PRICKLE1: variants seen among roughly 807,000 people sequenced by gnomAD.
PRICKLE1 encodes the protein prickle planar cell polarity protein 1.
Under a neutral mutation model 70.2 loss-of-function variants are expected in PRICKLE1, and 14 were observed. The ratio of observed to expected loss-of-function variants is 0.20; its 90% confidence interval spans 0.13 to 0.31. PRICKLE1 has a LOEUF of 0.31. PRICKLE1 is among the 10% of genes least tolerant of loss of function. PRICKLE1 has a pLI of 1.00. For synonymous variants in PRICKLE1, 357 were observed against 379.9 expected (o/e 0.94, Z 0.70); for missense variants, 821 against 1,026.2 (o/e 0.80, Z 2.73).
At chr12:42,576,350 A>G (rs144485485) in intron 1 of PRICKLE1, among the ~76,000 whole-genome samples, 1 of 152,222 alleles carries the variant, frequency 6.6e-6, no homozygotes, top group Admixed American at 6.5e-5. Context: ...AACAGAAAAC[A>G]CTGTGAACTG....
At chr12:42,519,216 G>C (rs1175049458) in intron 1 of PRICKLE1, among the ~76,000 whole-genome samples, 1 of 35,072 alleles carries the variant, frequency 2.9e-5, no homozygotes, top group Admixed American at 4.1e-4. Context: ...TTTTTTTTGA[G>C]ATGGTGTGTT....
chr12:42,579,681 G>A (rs563204094), intron 1 of PRICKLE1, among the ~76,000 whole-genome samples: 1 of 152,276 alleles, frequency 6.6e-6, no homozygotes, highest in Admixed American at 6.5e-5. Context: ...CACTGGCCAC[G>A]TGTAAAAGTT....
chr12:42,502,962 C>G (rs757386355), intron 1 of PRICKLE1, among the ~76,000 whole-genome samples: 5 of 152,170 alleles, frequency 3.3e-5, no homozygotes, highest in Non-Finnish European at 7.3e-5. Context: ...GGTTTCTTAA[C>G]CCTGGTCTTG....
In PRICKLE1 at chr12:42,583,020, C is replaced by T. The variant is rs577918845; in HGVS notation, c.-49+6445G>A. Among the ~76,000 whole-genome samples the T allele has an allele frequency of 6.0e-5, 9 of 151,020 alleles. No homozygotes were observed. The South Asian group carries it at 1.9e-3, about 32-fold the overall frequency. Reference sequence around the variant, plus strand: ...AGTTGGAAGTATCAATTGTAGTTAACAAGTTATGTGTTTCTTCCGAAAATT... The same window carrying T: ...AGTTGGAAGTATCAATTGTAGTTAATAAGTTATGTGTTTCTTCCGAAAATT... On this transcript the variant is annotated intron_variant, in intron 1 of 7. Coordinates refer to ENST00000345127, the MANE Select transcript of PRICKLE1 (RefSeq NM_153026.3).
intron 1 of PRICKLE1, among the ~76,000 whole-genome samples, chr12:42,549,309 A>G (rs1235232133): frequency 6.6e-6 from 1 of 152,166 alleles, no homozygotes; most frequent in Non-Finnish European, 1.5e-5. Context: ...CAAACTGGCC[A>G]TAGCTGAATC....
chr12:42,534,284 A>G (rs1380679214), intron 1 of PRICKLE1, among the ~76,000 whole-genome samples: 1 of 152,088 alleles, frequency 6.6e-6, no homozygotes, highest in African/African-American at 2.4e-5. Context: ...CGCCAGGAAG[A>G]ATGGGAATAA....
chr12:42,522,101 G>A (rs144305589), intron 1 of PRICKLE1, among the ~76,000 whole-genome samples: 11,210 of 151,682 alleles, frequency 0.074, 569 homozygotes, highest in Admixed American at 0.17. Flanking sequence ...TCAACCTCCC[G>A]AGTAGCTGGG....
At chr12:42,512,444 G>T (rs1232168285) in intron 1 of PRICKLE1, among the ~76,000 whole-genome samples, 2 of 152,174 alleles carry the variant, frequency 1.3e-5, no homozygotes, top group African/African-American at 4.8e-5. Flanking sequence ...CCAAAGTGCG[G>T]GGATTACAGG....
Position 42,561,814 on chromosome 12 carries a change from G to A in PRICKLE1, c.-49+27651C>T, listed in dbSNP as rs1419030366. On this transcript the variant is annotated intron_variant, in intron 1 of 7. Transcript: ENST00000345127. ...CATATTCCCAATTAAAAATCACACT[G>A]ACAATTTGCCAGTCATTGAGCTCCC... 2.0e-5 allele frequency among the ~76,000 whole-genome samples: 3 copies of A among 151,410 alleles called. No homozygotes were observed. In the East Asian group the frequency reaches 5.8e-4, roughly 29 times the overall value.
At chr12:42,468,105 C>T (rs1237604950) in intron 5 of PRICKLE1, among the ~76,000 whole-genome samples, 1 of 152,084 alleles carries the variant, frequency 6.6e-6, no homozygotes, top group East Asian at 1.9e-4. Context: ...AGCTTTGCAA[C>T]TCTTCTGTAA....
chr12:42,477,466 G>A lies in PRICKLE1; in HGVS notation c.-48-4902C>T, dbSNP rs61924375. 9.0e-4 allele frequency among the ~76,000 whole-genome samples: 16 copies of A among 17,846 alleles called. No homozygotes were observed. In the East Asian group the frequency reaches 0.011, roughly 12 times the overall value. 11.7% of individuals were successfully genotyped at this position (17,846 alleles called of 152,430 possible). A position where few individuals can be genotyped will look rare whatever the true frequency, so the allele number is the denominator to read the frequency against. On this transcript the variant is annotated intron_variant, in intron 1 of 7. Coordinates refer to ENST00000345127, the MANE Select transcript of PRICKLE1 (RefSeq NM_153026.3). ...TGTATATATGTATATACGTATATAT[G>A]TGTGTGTGTGTGTGTGTATATATAT...
intron 1 of PRICKLE1, chr12:42,489,833 C>T (rs1257805864): frequency 1.3e-5 from 2 of 152,020 alleles, no homozygotes; most frequent in South Asian, 2.1e-4. Flanking sequence ...GTCACCAGTC[C>T]CACATTTCCA....
intron 6 of PRICKLE1, 85 bp from the exon 7 acceptor site, chr12:42,465,343 A>C: frequency 7.4e-7 from 1 of 1,348,080 alleles, no homozygotes; most frequent in Non-Finnish European, 1.1e-6. Flanking sequence ...AAAATAAATA[A>C]AGATTATGGG....
At chr12:42,505,103 C>A (rs1311988763) in intron 1 of PRICKLE1, among the ~76,000 whole-genome samples, 4 of 152,160 alleles carry the variant, frequency 2.6e-5, no homozygotes, top group Admixed American at 6.5e-5. Context: ...TGTGCCACTG[C>A]ACTCCAGCCT....
chr12:42,552,167 A>C (rs1304825887), intron 1 of PRICKLE1, among the ~76,000 whole-genome samples: 2 of 151,478 alleles, frequency 1.3e-5, no homozygotes, highest in African/African-American at 4.9e-5. Flanking sequence ...CCTGGGCTCA[A>C]GTGAACCTCC....
At position 42,464,719 on chromosome 12, in the gene PRICKLE1, C is replaced by T. The variant is rs1409951498; in HGVS notation, c.1315G>A (p.Ala439Thr). 6.2e-7 allele frequency: 1 copy of T among 1,614,072 alleles called. No individual in the cohort carries two copies. The highest frequency in any genetic ancestry group is 2.2e-5 in the East Asian group (1 of 44,872). ...QPQPNEMDIR[A>T]SEHWISDNMV... ...TTATCAGATATCCAGTGCTCACTGG[C>T]TCGAATATCCATCTCATTGGGCTGT... The change falls in exon 7 of 8, where the codon GCC (alanine) becomes ACC (threonine). Residue 439 changes from alanine to threonine, a missense_variant. Ala to Thr is a moderately conservative substitution (Grantham distance 58). Transcript: ENST00000345127. This position sits in a 1 kb window ranked among gnomAD's most constrained non-coding sequence, Gnocchi z 4.2.
Position 42,518,322 on chromosome 12 carries a change from G to GCA in PRICKLE1, c.-48-45760_-48-45759dup, listed in dbSNP as rs377083049. Reference sequence around the variant, plus strand: ...GCCTTCCAAAGTGCTGGGGTTACAGGCATAAGCCACAACAACCGGCTGAGG... The same window carrying GCA: ...GCCTTCCAAAGTGCTGGGGTTACAGGCACATAAGCCACAACAACCGGCTGAGG... On this transcript the variant is annotated intron_variant, in intron 1 of 7. Coordinates refer to ENST00000345127, the MANE Select transcript of PRICKLE1 (RefSeq NM_153026.3). Among the ~76,000 whole-genome samples, 619 of 152,250 alleles carry GCA rather than the reference G, an allele frequency of 4.1e-3. 3 individuals are homozygous for GCA. The highest frequency in any genetic ancestry group is 0.014 in the African/African-American group (581 of 41,550).
At chr12:42,479,566 T>A (rs1938712441) in intron 1 of PRICKLE1, among the ~76,000 whole-genome samples, 1 of 152,248 alleles carries the variant, frequency 6.6e-6, no homozygotes, top group African/African-American at 2.4e-5. Context: ...ACTGCATTCA[T>A]TCATTCATCC....
At chr12:42,545,588 C>T (rs888389496) in intron 1 of PRICKLE1, among the ~76,000 whole-genome samples, 1 of 152,190 alleles carries the variant, frequency 6.6e-6, no homozygotes, top group East Asian at 1.9e-4. Context: ...GTGGCTCACG[C>T]CTGTAATCCC....
Sources: allele counts gnomAD v4.1 joint callset (sites outside exome capture counted in the v4.1 genomes callset), GRCh38; gene constraint gnomAD v4.1.1; non-coding constraint Gnocchi (gnomAD v3.1); transcripts MANE v1.5; gene names NCBI Gene and HGNC (gene_info 2026-07-23, HGNC 2026-07-21).